Variants in BCAT1 observed in about 807,000 individuals in gnomAD.
BCAT1 encodes the protein branched chain amino acid transaminase 1, also known as branched-chain-amino-acid aminotransferase, cytosolic.
BCAT1 carries 48 observed loss-of-function variants against 52.4 expected under a neutral mutation model. That is an observed-to-expected ratio of 0.92 (90% CI 0.73 to 1.16). The LOEUF (loss-of-function observed/expected upper bound fraction) is 1.16, where lower values mean the gene tolerates loss of function less well. BCAT1 is among the 50% of genes most tolerant of loss of function. BCAT1 has a pLI of 0.00. For synonymous variants in BCAT1, 167 were observed against 161.3 expected (o/e 1.04, Z -0.27); for missense variants, 451 against 457.1 (o/e 0.99, Z 0.12).
At chr12:24,829,742 G>T in intron 10 of BCAT1, 81 bp downstream of exon 10, 1 of 1,134,774 alleles carries the variant, frequency 8.8e-7, no homozygotes, top group Non-Finnish European at 1.2e-6. Flanking sequence ...ATATAATTTA[G>T]TTGTAAGCTC....
At chr12:24,892,950 A>G (rs1005232021) in intron 3 of BCAT1, among the ~76,000 whole-genome samples, 2 of 152,250 alleles carry the variant, frequency 1.3e-5, no homozygotes, top group Admixed American at 1.3e-4. Flanking sequence ...ACTCATTCAA[A>G]TTGACATAAC....
At chr12:24,922,322 G>A (rs925699082) in intron 1 of BCAT1, among the ~76,000 whole-genome samples, 19 of 152,108 alleles carry the variant, frequency 1.2e-4, no homozygotes, top group Admixed American at 1.2e-3. Flanking sequence ...GTGCCACCTT[G>A]CCCAGCTACA....
intron 4 of BCAT1, among the ~76,000 whole-genome samples, chr12:24,879,363 G>C (rs932892990): frequency 6.6e-6 from 1 of 151,956 alleles, no homozygotes; most frequent in Non-Finnish European, 1.5e-5. Flanking sequence ...AAAGCAAAGA[G>C]CACTTTATTT....
At chr12:24,919,366 G>A (rs1943468899) in intron 1 of BCAT1, among the ~76,000 whole-genome samples, 2 of 152,170 alleles carry the variant, frequency 1.3e-5, no homozygotes, top group Non-Finnish European at 2.9e-5. Flanking sequence ...CTCATTAGAA[G>A]ATTTTGTTTT....
chr12:24,928,341 C>G (rs1943625093), intron 1 of BCAT1, among the ~76,000 whole-genome samples: 1 of 152,094 alleles, frequency 6.6e-6, no homozygotes, highest in African/African-American at 2.4e-5. Flanking sequence ...CACCAGTTGG[C>G]ACAAAAGACC....
chr12:24,813,900 T>A lies in BCAT1; in HGVS notation c.*4108A>T, dbSNP rs1391210138. ...TAGAATACAAACTCCATGAGGGTAA[T>A]GTCTATATGCCATTGATTTCTTAAA... On this transcript the variant is annotated 3_prime_UTR_variant, in exon 11 of 11. Transcript: ENST00000261192. 1 of 152,112 alleles carries A rather than the reference T, an allele frequency of 6.6e-6. No homozygotes were observed. Among genetic ancestry groups the A allele is most frequent in the Non-Finnish European group, 1.5e-5 (1 of 67,960 alleles). 9.4% of individuals were successfully genotyped at this position (152,112 alleles called of 1,614,324 possible).
In BCAT1 at chr12:24,886,929, G is replaced by A. The variant is rs1591840030; in HGVS notation, c.280-5518C>T. ...AATACAAAAATTAGCCAGGCATAGT[G>A]GCACGTGCCTGTAATCTCAGCTACT... On this transcript the variant is annotated intron_variant, in intron 3 of 10. Transcript: ENST00000261192. 2.0e-5 allele frequency among the ~76,000 whole-genome samples: 3 copies of A among 149,878 alleles called. No homozygotes were observed. The East Asian group carries it at 5.8e-4, about 29-fold the overall frequency.
chr12:24,824,667 C>T (rs571095435), intron 10 of BCAT1, among the ~76,000 whole-genome samples: 1 of 152,248 alleles, frequency 6.6e-6, no homozygotes, highest in African/African-American at 2.4e-5. Context: ...TTAACTGCTA[C>T]AGAATGTACA....
intron 3 of BCAT1, among the ~76,000 whole-genome samples, chr12:24,886,579 A>G (rs1180824839): frequency 1.3e-5 from 2 of 152,222 alleles, no homozygotes; most frequent in African/African-American, 2.4e-5. Context: ...AAAGCACTTT[A>G]TGTGACATTG....
chr12:24,841,394 T>C (rs763994666), intron 7 of BCAT1, among the ~76,000 whole-genome samples: 2 of 152,214 alleles, frequency 1.3e-5, no homozygotes, highest in Non-Finnish European at 2.9e-5. Context: ...ATACGGTATA[T>C]GGTGAATGAC....
intron 1 of BCAT1, 99 bp from the exon 2 acceptor site, chr12:24,901,984 C>A: frequency 6.2e-7 from 1 of 1,604,846 alleles, no homozygotes; most frequent in Non-Finnish European, 8.5e-7. Context: ...GCGCTCCTCT[C>A]CAGGACCCAG....
rs1007780621 is a variant in BCAT1 at position 24,815,104 on chromosome 12, A to G, written c.*2904T>C. 1 of 152,182 alleles carries G rather than the reference A, an allele frequency of 6.6e-6. No individual in the cohort carries two copies. Among genetic ancestry groups the G allele is most frequent in the African/African-American group, 2.4e-5 (1 of 41,450 alleles). The allele number at this position is 152,182 out of a possible 1,614,324, so 9.4% of individuals were successfully genotyped here. A position where few individuals can be genotyped will look rare whatever the true frequency, so the allele number is the denominator to read the frequency against. ...CCACAAAGAAAATTTCTAACAGCAA[A>G]TCTTTTTAGGAACTGCTCAGGTTTT... is the stretch of plus-strand genomic sequence containing the variant. On this transcript the variant is annotated 3_prime_UTR_variant, in exon 11 of 11. Coordinates refer to ENST00000261192, the MANE Select transcript of BCAT1 (RefSeq NM_005504.7).
chr12:24,872,995 A>G (rs1942224132), intron 5 of BCAT1, among the ~76,000 whole-genome samples: 3 of 152,126 alleles, frequency 2.0e-5, no homozygotes, highest in African/African-American at 7.2e-5. Flanking sequence ...ACACCTCTAC[A>G]CTTACCAGAA....
At chr12:24,881,465 G>C in intron 3 of BCAT1, 54 bp from the exon 4 acceptor site, 1 of 1,202,844 alleles carries the variant, frequency 8.3e-7, no homozygotes, top group East Asian at 2.3e-5. Flanking sequence ...AACAACCCGT[G>C]TTCAAGAGAC....
chr12:24,881,395 T>C lies in BCAT1; in HGVS notation c.296A>G (p.Lys99Arg). 6.2e-7 allele frequency: 1 copy of C among 1,608,050 alleles called. No individual in the cohort carries two copies. Among genetic ancestry groups the C allele is most frequent in the Non-Finnish European group, 8.5e-7 (1 of 1,174,716 alleles). Residue 99 changes from lysine to arginine, a missense_variant, in exon 4 of 11, where the codon AAG becomes AGG. Transcript: ENST00000261192. ...HYAVELFEGL[K>R]AFRGVDNKIR... ...TTTATTATCTACTCCTCGAAATGCCTTCAATCCTTCAAATAACTGGAGATC... is the reference window on the plus strand; with the variant it reads ...TTTATTATCTACTCCTCGAAATGCCCTCAATCCTTCAAATAACTGGAGATC...
At chr12:24,900,326 C>T (rs1248791971) in intron 2 of BCAT1, among the ~76,000 whole-genome samples, 1 of 152,144 alleles carries the variant, frequency 6.6e-6, no homozygotes, top group Non-Finnish European at 1.5e-5. Flanking sequence ...GTGGCTTATG[C>T]CTGTGACCCA....
chr12:24,896,960 G>C (rs988087549), intron 2 of BCAT1, among the ~76,000 whole-genome samples: 1 of 152,200 alleles, frequency 6.6e-6, no homozygotes, highest in Admixed American at 6.5e-5. Flanking sequence ...TTTAAAGAGA[G>C]TGAAATTCTA....
chr12:24,855,326 G>GA (rs144694993), intron 5 of BCAT1, among the ~76,000 whole-genome samples: 5,504 of 142,860 alleles, frequency 0.039, 318 homozygotes, highest in African/African-American at 0.13. Flanking sequence ...AAAAAAGAAA[G>GA]AAAAAAAAAA....
At chr12:24,946,956 T>A (rs982654548) in intron 1 of BCAT1, among the ~76,000 whole-genome samples, 2 of 152,114 alleles carry the variant, frequency 1.3e-5, no homozygotes, top group Admixed American at 1.3e-4. Flanking sequence ...TCCAGTGAAA[T>A]TACTCATTAC....
Sources: allele counts gnomAD v4.1 joint callset (sites outside exome capture counted in the v4.1 genomes callset), GRCh38; gene constraint gnomAD v4.1.1; transcripts MANE v1.5; gene names NCBI Gene and HGNC (gene_info 2026-07-23, HGNC 2026-07-21).